The following PIK3R3 variants were observed in gnomAD, a reference collection of about 807,000 sequenced individuals.
PIK3R3 encodes phosphoinositide-3-kinase regulatory subunit 3.
PIK3R3 carries 64 observed loss-of-function variants against 62.9 expected under a neutral mutation model. The observed-to-expected ratio is 1.02, with a 90% CI of 0.83 to 1.25. The LOEUF (loss-of-function observed/expected upper bound fraction) is 1.25, where lower values mean the gene tolerates loss of function less well. Among genes scored for constraint, PIK3R3 ranks in the 50% most tolerant of loss-of-function variants. The probability of loss-of-function intolerance (pLI) is 0.00; values close to 1 mark genes in which losing one functional copy is unlikely to be tolerated. For missense variants in PIK3R3, 614 were observed against 561.6 expected (o/e 1.09, Z -0.94); for synonymous variants, 165 against 189.0 (o/e 0.87, Z 1.04).
chr1:46,169,710 G>A, the PIK3R3 span, among the ~76,000 whole-genome samples: 3 of 152,154 alleles, frequency 2.0e-5, no homozygotes, highest in South Asian at 6.2e-4. Flanking sequence ...TGAATCCAAG[G>A]ACAGACAGCT....
chr1:46,067,299 T>C (rs1649105193), intron 3 of PIK3R3, among the ~76,000 whole-genome samples: 2 of 147,788 alleles, frequency 1.4e-5, no homozygotes, highest in South Asian at 4.2e-4. Context: ...CATTGTTTTG[T>C]CCATAAAATA....
At chr1:46,071,718 T>TAC (rs1649524806) in intron 3 of PIK3R3, among the ~76,000 whole-genome samples, 1 of 28,944 alleles carries the variant, frequency 3.5e-5, no homozygotes, top group Non-Finnish European at 7.2e-5. Flanking sequence ...AAAAAATATA[T>TAC]ATATATATAT....
chr1:46,125,490 A>G (rs1448874773), intron 1 of PIK3R3, among the ~76,000 whole-genome samples: 2 of 152,210 alleles, frequency 1.3e-5, no homozygotes, highest in Non-Finnish European at 1.5e-5. Flanking sequence ...AGTAAGGATC[A>G]TGAAGTGGCA....
intron 7 of PIK3R3, chr1:46,048,396 C>T (rs1647173324): frequency 2.0e-5 from 3 of 152,086 alleles, no homozygotes; most frequent in Admixed American, 2.0e-4. Flanking sequence ...ATTTTTTATT[C>T]TTAGCAAAAC....
rs530029343 is a variant in PIK3R3 at position 46,062,838 on chromosome 1, T to G, written c.622-767A>C. On this transcript the variant is annotated intron_variant, in intron 5 of 9. Coordinates refer to ENST00000262741, the MANE Select transcript of PIK3R3 (RefSeq NM_003629.4). ...TTGGTTGGTGGGTGGGTGGGTGGAT[T>G]GGTTTTTTTAAAACTGTTGCCTAAG... Among the ~76,000 whole-genome samples the G allele has an allele frequency of 6.9e-4, 105 of 152,256 alleles. 1 individual carries two copies. Among genetic ancestry groups the G allele is most frequent in the African/African-American group, 2.5e-3 (103 of 41,546 alleles).
chr1:46,071,061 A>T (rs972117270), intron 3 of PIK3R3, among the ~76,000 whole-genome samples: 7 of 152,160 alleles, frequency 4.6e-5, no homozygotes, highest in Non-Finnish European at 1.0e-4. Context: ...ATGACTTTGA[A>T]CAAATTCAGA....
chr1:46,050,848 A>G (rs780582860), intron 7 of PIK3R3, among the ~76,000 whole-genome samples: 2 of 152,262 alleles, frequency 1.3e-5, no homozygotes, highest in Non-Finnish European at 2.9e-5. Context: ...TGGTATAACT[A>G]TACAACAGAC....
At chr1:46,169,477 G>A in the PIK3R3 span, among the ~76,000 whole-genome samples, 27,147 of 152,060 alleles carry the variant, frequency 0.18, 2,683 homozygotes, top group South Asian at 0.39. Context: ...GGAGATACCT[G>A]AAGCTAAAAC....
rs1195248646 is a variant in PIK3R3, at chr1:46,066,058, G to A, written c.617C>T (p.Ser206Phe). The change falls in exon 5 of 10, where the codon TCC becomes TTC. Residue 206 changes from serine to phenylalanine, a missense_variant. Physicochemically the swap from Ser to Phe is radical, Grantham distance 155. Transcript: ENST00000262741. ...DRLYEEYTRT[S>F]QEIQMKRTAI... ...AAAACAACATAATATACCAACCTGG[G>A]ATGTTCTAGTATATTCTTCATACAG... 6.2e-7 allele frequency: 1 copy of A among 1,607,548 alleles called. No homozygotes were observed. The highest frequency in any genetic ancestry group is 2.2e-5 in the East Asian group (1 of 44,686).
chr1:46,076,340 AG>A (rs1159506497), intron 3 of PIK3R3, among the ~76,000 whole-genome samples: 1 of 152,232 alleles, frequency 6.6e-6, no homozygotes, highest in African/African-American at 2.4e-5. Context: ...GAAGAAAATC[AG>A]GAAAGTGTGA....
chr1:46,063,033 G>A (rs982541433), intron 5 of PIK3R3, among the ~76,000 whole-genome samples: 1 of 152,184 alleles, frequency 6.6e-6, no homozygotes, highest in Non-Finnish European at 1.5e-5. Flanking sequence ...TTTGTGAAAC[G>A]TGAAGTCTGC....
chr1:46,051,973 T>TA (rs1490686022), intron 7 of PIK3R3, among the ~76,000 whole-genome samples: 6 of 151,648 alleles, frequency 4.0e-5, no homozygotes, highest in Non-Finnish European at 8.8e-5. Context: ...CCATCTCTAC[T>TA]AAAAAAATAA....
chr1:46,133,138 G>GCCTTACCGGCCGGC, upstream of PIK3R3: 1 of 546,122 alleles, frequency 1.8e-6, no homozygotes, highest in Non-Finnish European at 2.3e-6. Flanking sequence ...AGCCGGCGCC[G>GCCTTACCGGCCGGC]GCCGGTAAGG....
At chr1:46,060,957 T>C (rs1648425361) in intron 6 of PIK3R3, among the ~76,000 whole-genome samples, 1 of 152,240 alleles carries the variant, frequency 6.6e-6, no homozygotes, top group Non-Finnish European at 1.5e-5. Flanking sequence ...TTTGCTTTGA[T>C]AGGATTTCAA....
chr1:46,071,759 A>AGAGAGC (rs777668187), intron 3 of PIK3R3, among the ~76,000 whole-genome samples: 20 of 100,102 alleles, frequency 2.0e-4, no homozygotes, highest in South Asian at 3.2e-4. Context: ...AGAGAGAGAG[A>AGAGAGC]GCGCGCGCCT....
At chr1:46,115,147 G>T (rs909986173) in intron 1 of PIK3R3, among the ~76,000 whole-genome samples, 3 of 152,150 alleles carry the variant, frequency 2.0e-5, no homozygotes, top group African/African-American at 7.2e-5. Flanking sequence ...TACTGGGGAA[G>T]CCCGTTTGAG....
At chr1:46,130,652 C>T (rs1246211286) in intron 1 of PIK3R3, among the ~76,000 whole-genome samples, 5 of 152,130 alleles carry the variant, frequency 3.3e-5, no homozygotes, top group African/African-American at 9.7e-5. Flanking sequence ...CTTCTTCACA[C>T]TTGCATGGCT....
intron 1 of PIK3R3, among the ~76,000 whole-genome samples, chr1:46,119,819 C>T (rs1159519539): frequency 1.3e-5 from 2 of 150,092 alleles, no homozygotes; most frequent in Admixed American, 6.7e-5. Flanking sequence ...GCTCTGTCAC[C>T]CAGGCTGGAG....
Position 46,046,060 on chromosome 1 carries a change from T to C in PIK3R3, c.1045A>G (p.Asn349Asp), listed in dbSNP as rs1316584202. The C allele has an allele frequency of 1.9e-6, 3 of 1,605,054 alleles. No homozygotes were observed. Among genetic ancestry groups the C allele is most frequent in the Admixed American group, 3.3e-5 (2 of 59,786 alleles). ...GTTTTCTCATCATAATGGGGCAGGT[T>C]TTCATCTTCCTCATTGATAAAATAG... The part of the protein sequence containing the change: ...ENYFINEEDE[N>D]LPHYDEKTWF... Residue 349 changes from asparagine to aspartate, a missense_variant, in exon 9 of 10, where the codon AAC (asparagine) becomes GAC (aspartate). Asn to Asp is a conservative substitution (Grantham distance 23, BLOSUM62 1). Transcript: ENST00000262741.
Sources: allele counts gnomAD v4.1 joint callset (sites outside exome capture counted in the v4.1 genomes callset), GRCh38; gene constraint gnomAD v4.1.1; transcripts MANE v1.5; gene names NCBI Gene and HGNC (gene_info 2026-07-23, HGNC 2026-07-21).